NDRG4: variants seen among roughly 807,000 people sequenced by gnomAD.
The protein encoded by NDRG4 is NDRG family member 4.
A neutral mutation model predicts 55.8 loss-of-function variants in NDRG4; 38 were observed. The observed-to-expected ratio is 0.68, with a 90% confidence interval of 0.53 to 0.89. The LOEUF is 0.89. Ranked by LOEUF, NDRG4 falls within the 40% of genes least tolerant of loss-of-function variation. NDRG4 has a pLI of 0.00. For missense variants in NDRG4, 455 were observed against 468.6 expected, an observed-to-expected ratio of 0.97 and a Z score of 0.27; for synonymous variants, 190 against 182.7, an observed-to-expected ratio of 1.04 and a Z score of -0.32.
intron 1 of NDRG4, among the ~76,000 whole-genome samples, chr16:58,474,021 TCTTTC>T (rs1356609053): frequency 6.7e-6 from 1 of 148,536 alleles, no homozygotes; most frequent in Non-Finnish European, 1.5e-5. Context: ...ACTTTTCTTT[TCTTTC>T]CCTTTTTTTT....
In NDRG4 at chr16:58,506,405, G is replaced by A. The variant is rs1646008; in HGVS notation, c.391G>A (p.Val131Met). ...ACTGCAGCTCATCTTCCCCGACCTG[G>A]TGGAGGGGCTGGTGCTGGTGAACAT... ...AKFALIFPDL[V>M]EGLVLVNIDP... Residue 131 changes from valine (V) to methionine (M), a missense_variant, in exon 6 of 15, where the codon GTG (valine) becomes ATG (methionine). By Grantham distance (21) the Val-to-Met change is conservative. Transcript: ENST00000570248. 1 of 1,613,742 alleles carries A rather than the reference G, an allele frequency of 6.2e-7. No homozygotes were observed. The highest frequency in any genetic ancestry group is 8.5e-7 in the Non-Finnish European group (1 of 1,180,002).
At position 58,503,818 on chromosome 16, in the gene NDRG4, C is replaced by T. The variant is rs778464144; in HGVS notation, c.42C>T (p.Pro14=). 110 of 1,613,880 alleles carry T rather than the reference C, an allele frequency of 6.8e-5. No individual in the cohort carries two copies. Among genetic ancestry groups the T allele is most frequent in the Non-Finnish European group, 9.2e-5 (108 of 1,179,992 alleles). The part of the protein sequence containing the change: ...CWDGEHDIET[P]YGLLHVVIRG... ...TTCAGGAACATGACATCGAGACACC[C>T]TACGGCCTTCTGCATGTAGTGATCC... Residue 14 remains proline (P), a synonymous_variant, in exon 2 of 15, where the codon CCC becomes CCT. Transcript: ENST00000570248.
chr16:58,501,800 G>A (rs1208382094), intron 1 of NDRG4: 1 of 352,722 alleles, frequency 2.8e-6, no homozygotes, highest in African/African-American at 2.1e-5. Context: ...AGGGCTGGGA[G>A]AAGACAGTGG....
At position 58,466,424 on chromosome 16, in the gene NDRG4, CAT is replaced by C. The variant is rs1191111202; in HGVS notation, c.-24+2628_-24+2629del. ...CTGGATGAGAAATGCTCACAGGAGA[CAT>C]GTGTGGGGGGCTCAAGCAGGGGTCT... On this transcript the variant is annotated intron_variant, in intron 1 of 15. Transcript: ENST00000258187. Among the ~76,000 whole-genome samples, 10 of 152,342 alleles carry C rather than the reference CAT, an allele frequency of 6.6e-5. No homozygotes were observed. The South Asian group carries it at 8.3e-4, about 13-fold the overall frequency.
rs745649023 is a variant in NDRG4 at position 58,511,457 on chromosome 16, C to G, written c.940C>G (p.Arg314Gly). Reference protein sequence around the residue: ...SASMTRLARSRTASLTSASSV... With the variant: ...SASMTRLARSGTASLTSASSV... ...CAGCATGACCCGCCTGGCACGCTCCCGCACTGCATCCCTCACCAGTGCCAG... is the reference window on the plus strand; with the variant it reads ...CAGCATGACCCGCCTGGCACGCTCCGGCACTGCATCCCTCACCAGTGCCAG... The change falls in exon 15 of 15, where the codon CGC (arginine) becomes GGC (glycine). Residue 314 changes from arginine to glycine, a missense_variant. Arg to Gly is a moderately radical substitution (Grantham distance 125). Coordinates refer to ENST00000570248, the MANE Select transcript of NDRG4 (RefSeq NM_001242835.2). 6.2e-7 allele frequency: 1 copy of G among 1,612,532 alleles called. No homozygotes were observed. Among genetic ancestry groups the G allele is most frequent in the Non-Finnish European group, 8.5e-7 (1 of 1,179,802 alleles).
chr16:58,464,980 G>T lies in NDRG4; in HGVS notation c.-24+1183G>T. ...CTGACTGGGGACCCTCAGCCTTGGG[G>T]CTCCTCTGGAGAAGTGATCAGTTGC... On this transcript the variant is annotated intron_variant, in intron 1 of 15. Coordinates refer to the NDRG4 transcript ENST00000258187. The surrounding 1 kb of genome is among the most constrained non-coding windows in gnomAD (Gnocchi z 4.8). The T allele has an allele frequency of 8.3e-7, 1 of 1,205,126 alleles. No homozygotes were observed. The highest frequency in any genetic ancestry group is 1.5e-5 in the South Asian group (1 of 67,274). The allele number at this position is 1,205,126 out of a possible 1,614,324, so 74.7% of individuals were successfully genotyped here.
chr16:58,495,125 G>C (rs1163797327), intron 3 of NDRG4: 1 of 1,005,700 alleles, frequency 9.9e-7, no homozygotes, highest in Non-Finnish European at 1.5e-6. Context: ...GCCTAACAGA[G>C]AGATGCTGGG....
In NDRG4 at chr16:58,465,723, AC is replaced by A. The variant is rs542588633; in HGVS notation, c.-24+1930del. On this transcript the variant is annotated intron_variant, in intron 1 of 15. Coordinates refer to the NDRG4 transcript ENST00000258187. ...AGACCAGCCTGGGTAACATAGCGAG[AC>A]CCCATCTTTACAAAAAAATAAATAA... 2.6e-3 allele frequency among the ~76,000 whole-genome samples: 400 copies of A among 152,210 alleles called. 1 individual carries two copies. The highest frequency in any genetic ancestry group is 7.0e-3 in the Admixed American group (107 of 15,278).
chr16:58,466,026 T>G (rs1401035057), intron 1 of NDRG4, among the ~76,000 whole-genome samples: 3 of 152,164 alleles, frequency 2.0e-5, no homozygotes, highest in African/African-American at 7.2e-5. Context: ...TGTTTGTTTG[T>G]TTTGTTTTGA....
intron 1 of NDRG4, among the ~76,000 whole-genome samples, chr16:58,477,817 T>C (rs982592623): frequency 3.9e-5 from 6 of 152,174 alleles, no homozygotes; most frequent in African/African-American, 1.4e-4. Flanking sequence ...ATAGGATGTT[T>C]ACATAGTGTC....
At chr16:58,465,456 G>A (rs1025233046) in intron 1 of NDRG4, among the ~76,000 whole-genome samples, 17 of 151,898 alleles carry the variant, frequency 1.1e-4, no homozygotes, top group Admixed American at 3.3e-4. Context: ...TATGGGTTCA[G>A]GATCAAGGGA....
intron 10 of NDRG4, among the ~76,000 whole-genome samples, chr16:58,508,369 C>T (rs556674749): frequency 3.3e-5 from 5 of 152,344 alleles, no homozygotes; most frequent in East Asian, 3.9e-4. Flanking sequence ...TACAGCGGCA[C>T]GGTCTCCCTT....
intron 3 of NDRG4, chr16:58,495,079 C>A (rs969770338): frequency 2.7e-6 from 4 of 1,503,238 alleles, no homozygotes; most frequent in Non-Finnish European, 3.7e-6. Context: ...CTGGCCAGGT[C>A]CCAGAGGAGG....
chr16:58,484,238 T>G (rs2151656059), intron 1 of NDRG4, among the ~76,000 whole-genome samples: 1 of 152,228 alleles, frequency 6.6e-6, no homozygotes, highest in Non-Finnish European at 1.5e-5. Flanking sequence ...CCAGGCGTGG[T>G]GGCAGGTGCC....
intron 1 of NDRG4, among the ~76,000 whole-genome samples, chr16:58,477,695 A>G (rs2033856145): frequency 6.6e-6 from 1 of 151,654 alleles, no homozygotes; most frequent in African/African-American, 2.4e-5. Context: ...AAAAAAAAAG[A>G]AAATTATCAT....
intron 2 of NDRG4, chr16:58,494,954 C>T (rs1430073858): frequency 2.5e-6 from 4 of 1,613,438 alleles, no homozygotes; most frequent in Admixed American, 3.3e-5. Flanking sequence ...CTCTGTTTGC[C>T]TTCCCCTAGG....
At chr16:58,473,598 A>G (rs551919972) in intron 1 of NDRG4, among the ~76,000 whole-genome samples, 2 of 152,160 alleles carry the variant, frequency 1.3e-5, no homozygotes, top group African/African-American at 4.8e-5. Flanking sequence ...CTATCCTTCC[A>G]TAGCTCCACC....
chr16:58,509,665 G>A (rs1306127175), intron 13 of NDRG4, among the ~76,000 whole-genome samples: 1 of 152,176 alleles, frequency 6.6e-6, no homozygotes, highest in Non-Finnish European at 1.5e-5. Flanking sequence ...TCCAGGGCCA[G>A]GGGCCGTGTC....
At position 58,512,772 on chromosome 16, in the gene NDRG4, C is replaced by T. The variant is rs2151865002; in HGVS notation, c.*1196C>T. 6.5e-6 allele frequency: 1 copy of T among 152,828 alleles called. No homozygotes were observed. Among genetic ancestry groups the T allele is most frequent in the African/African-American group, 2.4e-5 (1 of 41,572 alleles). 9.5% of individuals were successfully genotyped at this position (152,828 alleles called of 1,614,324 possible). On this transcript the variant is annotated 3_prime_UTR_variant, in exon 15 of 15. Coordinates refer to ENST00000570248, the MANE Select transcript of NDRG4 (RefSeq NM_001242835.2). The stretch of plus-strand genomic sequence containing the variant: ...CTGCGTTGTATGCTTTCCATCCACT[C>T]ACCTTACCCCATAGCATCTTGCGGC...
Sources: gnomAD v4.1 joint callset for allele counts (sites outside exome capture counted in the v4.1 genomes callset) on GRCh38, gnomAD v4.1.1 for gene constraint, Gnocchi (gnomAD v3.1) non-coding constraint, MANE v1.5 for transcripts, NCBI Gene and HGNC (gene_info 2026-07-23, HGNC 2026-07-21) for gene names.